Variants in FAM149A observed in about 807,000 individuals in gnomAD.
FAM149A encodes protein FAM149A.
Under a neutral mutation model 78.2 loss-of-function variants are expected in FAM149A, and 71 were observed. The observed-to-expected ratio is 0.91, with a 90% CI of 0.75 to 1.11. The LOEUF (loss-of-function observed/expected upper bound fraction) is 1.11. Ranked by LOEUF, FAM149A falls within the 50% of genes least tolerant of loss-of-function variation. The pLI, the probability that FAM149A is intolerant of heterozygous loss-of-function variation, is 0.00. For missense variants in FAM149A, 1,036 were observed against 971.0 expected (o/e 1.07, Z -0.89); for synonymous variants, 446 against 410.5 (o/e 1.09, Z -1.04).
rs1400598691 is a variant in FAM149A at position 186,165,400 on chromosome 4, T to TC, written c.1952dup (p.Leu652AlafsTer35). 1.2e-6 allele frequency: 2 copies of TC among 1,614,022 alleles called. No individual in the cohort carries two copies. Among genetic ancestry groups the TC allele is most frequent in the East Asian group, 2.2e-5 (1 of 44,858 alleles). ...CTGGTTCAAACGTCACGGAGCAGGT[T>TC]CCCCCCGCTAGTCACGGAGACCAGG... is the stretch of plus-strand genomic sequence containing the variant. On this transcript the variant is annotated frameshift_variant, in exon 11 of 14. Coordinates refer to ENST00000389354, the MANE Select transcript of FAM149A (RefSeq NM_001367768.3). LOFTEE classifies it high-confidence loss of function.
rs1465445385 is a variant in FAM149A, at chr4:186,164,019, A to G, written c.1889+386A>G. On this transcript the variant is annotated intron_variant, in intron 10 of 13. Coordinates refer to ENST00000389354, the MANE Select transcript of FAM149A (RefSeq NM_001367768.3). This position sits in a 1 kb window ranked among gnomAD's most constrained non-coding sequence, Gnocchi z 4.0. ...ATAAAAATAAAAGGACTGTGTCCCT[A>G]TCGGATTATCTTTAAGGATGCATTT... 6.6e-6 allele frequency among the ~76,000 whole-genome samples: 1 copy of G among 152,208 alleles called. No homozygotes were observed. The highest frequency in any genetic ancestry group is 1.5e-5 in the Non-Finnish European group (1 of 68,044).
chr4:186,110,318 C>T, intron 1 of FAM149A: 1 of 984,664 alleles, frequency 1.0e-6, no homozygotes, highest in Non-Finnish European at 1.2e-6. Context: ...GTTAGTAATG[C>T]TTGCTGCTGG....
chr4:186,132,904 C>A (rs1171161448), intron 1 of FAM149A: 9 of 941,604 alleles, frequency 9.6e-6, no homozygotes, highest in Non-Finnish European at 1.1e-5. Flanking sequence ...CAGTCTTTCC[C>A]TAAATTCATG....
Position 186,165,762 on chromosome 4 carries a change from T to C in FAM149A, c.2010+298T>C, listed in dbSNP as rs570423336. The stretch of plus-strand genomic sequence containing the variant: ...GGAGCAAAGAAGAGAGCATGAAATT[T>C]GGTCAGGAGACAGGCAGGTCCGCGT... On this transcript the variant is annotated intron_variant, in intron 11 of 13. Coordinates refer to ENST00000389354, the MANE Select transcript of FAM149A (RefSeq NM_001367768.3). Among the ~76,000 whole-genome samples, 3 of 152,314 alleles carry C rather than the reference T, an allele frequency of 2.0e-5. No homozygotes were observed. The South Asian group carries it at 6.2e-4, about 32-fold the overall frequency.
chr4:186,154,378 C>T (rs35475114), intron 5 of FAM149A, 90 bp from the exon 6 acceptor site: 45,540 of 1,111,162 alleles, frequency 0.041, 1,199 homozygotes, highest in Non-Finnish European at 0.048. Context: ...CTGTACTTTA[C>T]AGATAATTGA....
intron 13 of FAM149A, among the ~76,000 whole-genome samples, chr4:186,168,884 T>C (rs1185557330): frequency 6.6e-6 from 1 of 152,160 alleles, no homozygotes; most frequent in Non-Finnish European, 1.5e-5. Context: ...CTGGATCCCC[T>C]GTCAGATGGC....
chr4:186,128,602 C>T (rs1311051471), intron 1 of FAM149A, among the ~76,000 whole-genome samples: 1 of 152,112 alleles, frequency 6.6e-6, no homozygotes, highest in Non-Finnish European at 1.5e-5. Flanking sequence ...CTGAGCTCTG[C>T]TTAATGGAAA....
chr4:186,117,456 AGAGGAGGCGCG>A (rs1351723880), intron 1 of FAM149A: 1 of 985,292 alleles, frequency 1.0e-6, no homozygotes, highest in African/African-American at 1.7e-5. Context: ...CTAAGAGAGA[AGAGGAGGCGCG>A]GAGATGATGC....
At chr4:186,108,536 A>T (rs1013383716) in intron 1 of FAM149A, among the ~76,000 whole-genome samples, 1 of 151,364 alleles carries the variant, frequency 6.6e-6, no homozygotes, top group Non-Finnish European at 1.5e-5. Flanking sequence ...GGGGTTTTTA[A>T]TCTCTGACCC....
Position 186,171,945 on chromosome 4 carries a change from G to C in FAM149A, c.2250G>C (p.Arg750Ser), listed in dbSNP as rs374729250. 3 of 1,612,034 alleles carry C rather than the reference G, an allele frequency of 1.9e-6. No homozygotes were observed. The South Asian group carries it at 3.3e-5, about 18-fold the overall frequency. Residue 750 changes from arginine to serine, a missense_variant, in exon 14 of 14, where the codon AGG becomes AGC. Around this residue, in one of 3 missense-constraint regions of FAM149A, gnomAD observed 716 missense variants for 711.8 expected, o/e 1.01. Coordinates refer to ENST00000389354, the MANE Select transcript of FAM149A (RefSeq NM_001367768.3). ...AATATGTGCCTAAATCTTTTCAGAG[G>C]ACAACTTTGACTTTCAAGAGGAGAT...
Position 186,144,685 on chromosome 4 carries a change from C to A in FAM149A, c.567-4488C>A. The A allele has an allele frequency of 2.0e-6, 1 of 489,456 alleles. No individual in the cohort carries two copies. Among genetic ancestry groups the A allele is most frequent in the Non-Finnish European group, 2.7e-6 (1 of 375,846 alleles). The allele number at this position is 489,456 out of a possible 1,614,324, so 30.3% of individuals were successfully genotyped here. A position where few individuals can be genotyped will look rare whatever the true frequency, so the allele number is the denominator to read the frequency against. ...CCGCTGGGTTGGAAACCCGGCCCGG[C>A]AGGGAGCGGGGAAGGCGCGCTTTCC... On this transcript the variant is annotated intron_variant, in intron 1 of 13. Transcript: ENST00000389354. This position sits in a 1 kb window ranked among gnomAD's most constrained non-coding sequence, Gnocchi z 4.2.
chr4:186,153,416 C>CT, intron 4 of FAM149A: 2 of 985,216 alleles, frequency 2.0e-6, no homozygotes, highest in Non-Finnish European at 2.4e-6. Flanking sequence ...AAATGAAAGA[C>CT]AAACAAATGA....
intron 3 of FAM149A, among the ~76,000 whole-genome samples, chr4:186,150,189 C>T (rs1461300624): frequency 1.3e-5 from 2 of 152,176 alleles, no homozygotes; most frequent in Admixed American, 1.3e-4. Flanking sequence ...TCTGGCTGGG[C>T]GAGCTCTGCC....
At chr4:186,119,289 G>A (rs1486107025) in intron 1 of FAM149A, among the ~76,000 whole-genome samples, 1 of 152,154 alleles carries the variant, frequency 6.6e-6, no homozygotes, top group African/African-American at 2.4e-5. Context: ...CAAGCAAATG[G>A]ATAAATACTA....
At chr4:186,129,359 C>T (rs949813625) in intron 1 of FAM149A, among the ~76,000 whole-genome samples, 1 of 152,126 alleles carries the variant, frequency 6.6e-6, no homozygotes, top group Non-Finnish European at 1.5e-5. Flanking sequence ...CTCCTTTCCC[C>T]ATAAGGAATT....
chr4:186,174,903 T>A lies in FAM149A; in HGVS notation c.*2916T>A, dbSNP rs1390935363. On this transcript the variant is annotated 3_prime_UTR_variant, in exon 14 of 14. Coordinates refer to ENST00000389354, the MANE Select transcript of FAM149A (RefSeq NM_001367768.3). The stretch of plus-strand genomic sequence containing the variant: ...TTAATAAATGAGTCTTACCTTAGAA[T>A]TAATCTATTAAAAATTAAAAAAGAA... Among the ~76,000 whole-genome samples the A allele has an allele frequency of 1.2e-4, 13 of 111,678 alleles. 3 individuals are homozygous for A. Among genetic ancestry groups the A allele is most frequent in the African/African-American group, 3.3e-4 (12 of 35,962 alleles). The allele number at this position is 111,678 out of a possible 152,430, so 73.3% of individuals were successfully genotyped here. A position where few individuals can be genotyped will look rare whatever the true frequency, so the allele number is the denominator to read the frequency against.
chr4:186,133,014 G>A (rs1457268420), intron 1 of FAM149A: 1 of 985,234 alleles, frequency 1.0e-6, no homozygotes, highest in African/African-American at 1.7e-5. Flanking sequence ...TGCCTATAGA[G>A]CTGGCCTGCA....
At chr4:186,135,035 G>A (rs1204282179) in intron 1 of FAM149A, among the ~76,000 whole-genome samples, 3 of 152,192 alleles carry the variant, frequency 2.0e-5, no homozygotes, top group Admixed American at 6.5e-5. Context: ...CCAGCAGCAC[G>A]TGGGATCCTG....
intron 1 of FAM149A, among the ~76,000 whole-genome samples, chr4:186,137,383 C>A (rs923813608): frequency 5.9e-5 from 9 of 151,972 alleles, no homozygotes; most frequent in African/African-American, 2.2e-4. Flanking sequence ...CGAAAGCATA[C>A]CCTGTCCCTC....
Sources: gnomAD v4.1 joint callset for allele counts (sites outside exome capture counted in the v4.1 genomes callset) on GRCh38, gnomAD v4.1.1 for gene constraint, gnomAD v4.1.1 regional missense constraint, Gnocchi (gnomAD v3.1) non-coding constraint, MANE v1.5 for transcripts, NCBI Gene and HGNC (gene_info 2026-07-23, HGNC 2026-07-21) for gene names.